Variants in APC observed in about 807,000 individuals in gnomAD.
The protein encoded by APC is APC regulator of Wnt signaling pathway.
In APC, 72 loss-of-function variants were observed where a neutral mutation model predicts 247.0. The observed-to-expected ratio is 0.29, with a 90% CI of 0.24 to 0.35. APC has a LOEUF of 0.35. APC is among the 10% of genes least tolerant of loss of function. APC has a pLI of 1.00. For missense variants in APC, 3,400 were observed against 3,360.7 expected, an observed-to-expected ratio of 1.01 and a Z score of -0.29; for synonymous variants, 1,254 against 1,162.5, an observed-to-expected ratio of 1.08 and a Z score of -1.60.
chr5:112,746,109 C>T (rs1753643444), intron 1 of APC, among the ~76,000 whole-genome samples: 2 of 151,928 alleles, frequency 1.3e-5, no homozygotes, highest in Non-Finnish European at 2.9e-5. Context: ...ATATATACAA[C>T]TCTGACAATA....
intron 10 of APC, among the ~76,000 whole-genome samples, chr5:112,819,841 T>C (rs1762935217): frequency 6.6e-6 from 1 of 152,116 alleles, no homozygotes. Flanking sequence ...TCATCTCCAT[T>C]TTACAGATGA....
intron 1 of APC, chr5:112,738,455 A>C: frequency 2.0e-6 from 2 of 985,886 alleles, no homozygotes; most frequent in Non-Finnish European, 2.4e-6. Flanking sequence ...AAAGAGGAGG[A>C]GGCAGGTACT....
At chr5:112,750,459 T>C (rs1754218798) in intron 1 of APC, among the ~76,000 whole-genome samples, 1 of 151,074 alleles carries the variant, frequency 6.6e-6, no homozygotes, top group Admixed American at 6.7e-5. Flanking sequence ...AGCATTCTTT[T>C]TTTTTTTCTT....
chr5:112,735,210 CTG>C (rs958591456), upstream of APC, among the ~76,000 whole-genome samples: 3 of 151,548 alleles, frequency 2.0e-5, no homozygotes, highest in African/African-American at 4.9e-5. Flanking sequence ...GACATGGTCT[CTG>C]TTGCACAGGC....
At position 112,828,036 on chromosome 5, in the gene APC, T is replaced by C. The variant is rs368775415; in HGVS notation, c.1626+30T>C. On this transcript the variant is annotated intron_variant, in intron 13 of 15. Transcript: ENST00000257430. ...TATTTAGAATTTCACCTGTTTTTCT[T>C]TTTTCTCTTTTTCTTTGAGGCAGGG... 48 of 1,580,062 alleles carry C rather than the reference T, an allele frequency of 3.0e-5. No individual in the cohort carries two copies. In the African/African-American group the frequency reaches 3.6e-4, roughly 12 times the overall value.
At chr5:112,775,493 A>G (rs1757523665) in intron 4 of APC, 136 bp from the exon 5 acceptor site, 8 of 567,266 alleles carry the variant, frequency 1.4e-5, no homozygotes, top group East Asian at 8.8e-5. Context: ...ATTGAAATCA[A>G]TGTAAATTTT....
At chr5:112,731,560 T>C (rs1389378144) in intron 1 of APC, among the ~76,000 whole-genome samples, 1 of 152,144 alleles carries the variant, frequency 6.6e-6, no homozygotes, top group African/African-American at 2.4e-5. Flanking sequence ...CTCCCAACAC[T>C]GTTGCATTGG....
intron 1 of APC, among the ~76,000 whole-genome samples, chr5:112,729,015 A>G (rs1751953183): frequency 6.6e-6 from 1 of 152,186 alleles, no homozygotes; most frequent in East Asian, 1.9e-4. Flanking sequence ...TCTCTCTGAA[A>G]TCTTTTTTGA....
intron 12 of APC, among the ~76,000 whole-genome samples, chr5:112,827,592 G>A (rs951020503): frequency 6.6e-6 from 1 of 152,020 alleles, no homozygotes; most frequent in African/African-American, 2.4e-5. Context: ...CCTAGGAATG[G>A]GATTAAAAAT....
rs183839557 is a variant in APC, at chr5:112,770,568, T to A, written c.422+3178T>A. The stretch of plus-strand genomic sequence containing the variant: ...ATCTGGAGAGAAAGAGGTATCAACA[T>A]GGTGTTGTTAGAAGGTTCTCAACTC... On this transcript the variant is annotated intron_variant, in intron 4 of 15. Coordinates refer to ENST00000257430, the MANE Select transcript of APC (RefSeq NM_000038.6). 4.3e-3 allele frequency among the ~76,000 whole-genome samples: 657 copies of A among 152,232 alleles called. 4 individuals are homozygous for A. Among genetic ancestry groups the A allele is most frequent in the African/African-American group, 0.015 (627 of 41,566 alleles).
chr5:112,759,837 AT>A (rs547916787), intron 2 of APC, among the ~76,000 whole-genome samples: 1 of 151,226 alleles, frequency 6.6e-6, no homozygotes, highest in Non-Finnish European at 1.5e-5. Context: ...TTTTTGAAAC[AT>A]TTTTTTTTGG....
intron 1 of APC, among the ~76,000 whole-genome samples, chr5:112,741,221 C>A (rs1376074186): frequency 6.6e-6 from 1 of 152,140 alleles, no homozygotes; most frequent in Non-Finnish European, 1.5e-5. Context: ...ACAAGTTAAA[C>A]ACTGCTTTGG....
chr5:112,770,428 T>C (rs1756906731), intron 4 of APC, among the ~76,000 whole-genome samples: 2 of 152,318 alleles, frequency 1.3e-5, no homozygotes, highest in African/African-American at 4.8e-5. Context: ...AAAGGTGCTT[T>C]AGCCTTTTCT....
intron 1 of APC, among the ~76,000 whole-genome samples, chr5:112,721,976 G>A (rs1003157187): frequency 1.3e-5 from 2 of 152,098 alleles, no homozygotes; most frequent in African/African-American, 2.4e-5. Flanking sequence ...TGCAGCCCTG[G>A]GGACAAATTT....
chr5:112,835,236 A>G (rs755613004), intron 15 of APC, 71 bp downstream of exon 15: 21 of 1,313,208 alleles, frequency 1.6e-5, no homozygotes, highest in South Asian at 3.8e-5. Context: ...ATTGTAAGCA[A>G]TGTTTTATAT....
intron 2 of APC, among the ~76,000 whole-genome samples, chr5:112,763,939 C>G (rs1325343615): frequency 3.3e-5 from 5 of 152,196 alleles, no homozygotes; most frequent in East Asian, 1.9e-4. Context: ...AAGAATCTTA[C>G]AAAGAGAGAC....
chr5:112,759,132 G>A (rs1477183838), intron 2 of APC, among the ~76,000 whole-genome samples: 1 of 150,116 alleles, frequency 6.7e-6, no homozygotes, highest in Non-Finnish European at 1.5e-5. Context: ...AGAAAGTAAG[G>A]AAAAACCGAG....
chr5:112,737,216 G>A (rs1752449137), upstream of APC, among the ~76,000 whole-genome samples: 1 of 152,120 alleles, frequency 6.6e-6, no homozygotes, highest in Non-Finnish European at 1.5e-5. Context: ...CCTCTATTCT[G>A]TACTTCTGTT....
At chr5:112,812,547 G>T (rs142134284) in intron 8 of APC, among the ~76,000 whole-genome samples, 63 of 152,212 alleles carry the variant, frequency 4.1e-4, no homozygotes, top group Middle Eastern at 3.4e-3. Flanking sequence ...CTCTGCCTTT[G>T]CCTGGGCTGC....
Sources: gnomAD v4.1 joint callset for allele counts (sites outside exome capture counted in the v4.1 genomes callset) on GRCh38, gnomAD v4.1.1 for gene constraint, MANE v1.5 for transcripts, NCBI Gene and HGNC (gene_info 2026-07-23, HGNC 2026-07-21) for gene names.